Variants in ADGRL2 observed in about 807,000 individuals in gnomAD.
ADGRL2 encodes adhesion G protein-coupled receptor L2.
ADGRL2 carries 44 observed loss-of-function variants against 157.4 expected under a neutral mutation model. The observed-to-expected ratio is 0.28, with a 90% confidence interval of 0.22 to 0.36. The LOEUF (loss-of-function observed/expected upper bound fraction) is 0.36, where lower values mean the gene tolerates loss of function less well. Among genes scored for constraint, ADGRL2 ranks in the 10% least tolerant of loss-of-function variants. The pLI is 1.00. For synonymous variants in ADGRL2, 585 were observed against 624.7 expected, an observed-to-expected ratio of 0.94 and a Z score of 0.95; for missense variants, 1,510 against 1,768.9, an observed-to-expected ratio of 0.85 and a Z score of 2.63.
At chr1:81,630,122 A>G (rs551207525) in intron 3 of ADGRL2, among the ~76,000 whole-genome samples, 60 of 152,238 alleles carry the variant, frequency 3.9e-4, no homozygotes, top group Admixed American at 1.0e-3. Flanking sequence ...CAAATTTCCT[A>G]GAAGCAGAGC....
At chr1:81,650,837 C>T (rs2082406325) in intron 3 of ADGRL2, among the ~76,000 whole-genome samples, 1 of 152,142 alleles carries the variant, frequency 6.6e-6, no homozygotes, top group Non-Finnish European at 1.5e-5. Context: ...ATCTTCCAGA[C>T]ATTTGCAAGT....
At chr1:81,864,219 T>A (rs1014437611) in intron 2 of ADGRL2, among the ~76,000 whole-genome samples, 8 of 152,200 alleles carry the variant, frequency 5.3e-5, no homozygotes, top group Non-Finnish European at 8.8e-5. Flanking sequence ...CCATCTATTA[T>A]AAGAGACTCA....
intron 2 of ADGRL2, among the ~76,000 whole-genome samples, chr1:81,510,103 A>G (rs145507639): frequency 1.8e-4 from 27 of 152,214 alleles, no homozygotes; most frequent in African/African-American, 5.5e-4. Flanking sequence ...CTACCCACTG[A>G]TTAAAGTGTC....
intron 3 of ADGRL2, among the ~76,000 whole-genome samples, chr1:81,592,828 G>A (rs770689666): frequency 6.6e-6 from 1 of 151,942 alleles, no homozygotes. Flanking sequence ...GGAAGGAAGA[G>A]CTTTCATATT....
At chr1:81,760,858 T>C (rs564214414) in intron 1 of ADGRL2, among the ~76,000 whole-genome samples, 2 of 151,958 alleles carry the variant, frequency 1.3e-5, no homozygotes, top group South Asian at 4.1e-4. Flanking sequence ...TAAAAATCAA[T>C]ACATATAACA....
At chr1:81,850,588 T>C (rs1311685293) in intron 2 of ADGRL2, among the ~76,000 whole-genome samples, 2 of 151,936 alleles carry the variant, frequency 1.3e-5, no homozygotes. Flanking sequence ...ATTCATTCTT[T>C]GACCTATTCA....
At chr1:81,713,906 TATA>T (rs2149090702) in intron 1 of ADGRL2, among the ~76,000 whole-genome samples, 1 of 152,242 alleles carries the variant, frequency 6.6e-6, no homozygotes, top group South Asian at 2.1e-4. Flanking sequence ...CTGGGGAATT[TATA>T]AAGAAAAAAA....
intron 1 of ADGRL2, among the ~76,000 whole-genome samples, chr1:81,342,982 CTAAAA>C (rs1168499013): frequency 1.3e-5 from 2 of 151,764 alleles, no homozygotes; most frequent in African/African-American, 4.8e-5. Context: ...ACTTTTTTTC[CTAAAA>C]TAAATCTTTT....
At chr1:81,557,548 A>AAAAG (rs1319122312) in intron 2 of ADGRL2, 1 of 151,100 alleles carries the variant, frequency 6.6e-6, no homozygotes, top group African/African-American at 2.4e-5. Context: ...GAAAGCAAGA[A>AAAAG]AAAGAAAGAA....
Position 81,985,484 on chromosome 1 carries a change from T to C in ADGRL2, c.3508+129T>C, listed in dbSNP as rs1662887222. The C allele has an allele frequency of 1.3e-5, 7 of 532,012 alleles. No homozygotes were observed. In the South Asian group the frequency reaches 1.7e-4, roughly 13 times the overall value. 33.0% of individuals were successfully genotyped at this position (532,012 alleles called of 1,614,324 possible). On this transcript the variant is annotated intron_variant, in intron 21 of 23. Transcript: ENST00000686636. Reference sequence around the variant, plus strand: ...ACAGGATGCGGCTCGAAGGTAATTATTGAAAATATACCTTGCCACAGATTA... The same window carrying C: ...ACAGGATGCGGCTCGAAGGTAATTACTGAAAATATACCTTGCCACAGATTA...
chr1:81,871,416 G>A (rs1465238828), intron 2 of ADGRL2, among the ~76,000 whole-genome samples: 2 of 152,140 alleles, frequency 1.3e-5, no homozygotes, highest in Non-Finnish European at 1.5e-5. Flanking sequence ...TGTCTTTATA[G>A]CAGCATGATT....
At chr1:81,525,181 A>G (rs1008214302) in intron 2 of ADGRL2, among the ~76,000 whole-genome samples, 1 of 152,200 alleles carries the variant, frequency 6.6e-6, no homozygotes. Flanking sequence ...TTTCAGGCAC[A>G]TATTTTCTAA....
intron 3 of ADGRL2, among the ~76,000 whole-genome samples, chr1:81,688,004 C>T (rs188608605): frequency 3.3e-5 from 5 of 152,210 alleles, no homozygotes; most frequent in Middle Eastern, 3.4e-3. Context: ...GCCCCCAATC[C>T]CTTCTAGCTT....
intron 2 of ADGRL2, among the ~76,000 whole-genome samples, chr1:81,770,889 G>T (rs543761352): frequency 2.9e-4 from 44 of 152,050 alleles, no homozygotes; most frequent in South Asian, 1.2e-3. Context: ...TTTTTAAAAA[G>T]AATTTGTTTC....
Position 81,330,979 on chromosome 1 carries a change from T to C in ADGRL2, c.-302+24470T>C, listed in dbSNP as rs1661229944. Among the ~76,000 whole-genome samples, 3 of 152,316 alleles carry C rather than the reference T, an allele frequency of 2.0e-5. No homozygotes were observed. In the South Asian group the frequency reaches 6.2e-4, roughly 32 times the overall value. On this transcript the variant is annotated intron_variant, in intron 1 of 24. Transcript: ENST00000370721. Reference sequence around the variant, plus strand: ...GCTGATAAGTACATATGTGACTGAATCATAAATTTCACAAGTGCTGGAACC... The same window carrying C: ...GCTGATAAGTACATATGTGACTGAACCATAAATTTCACAAGTGCTGGAACC...
chr1:81,802,971 G>T (rs2088507040), intron 1 of ADGRL2, among the ~76,000 whole-genome samples: 1 of 152,116 alleles, frequency 6.6e-6, no homozygotes, highest in African/African-American at 2.4e-5. Context: ...GGTCGGGAGG[G>T]TGCAGGGGCC....
Position 81,866,561 on chromosome 1 carries a change from T to C in ADGRL2, c.73+29504T>C, listed in dbSNP as rs376443607. Among the ~76,000 whole-genome samples, 73 of 152,240 alleles carry C rather than the reference T, an allele frequency of 4.8e-4. No homozygotes were observed. The South Asian group carries it at 0.014, about 29-fold the overall frequency. The stretch of plus-strand genomic sequence containing the variant: ...ACAAGTACTATTTCCTCAAAGAATG[T>C]TTAAAATAAATAATTAAAAATTTAC... On this transcript the variant is annotated intron_variant, in intron 2 of 23. Coordinates refer to ENST00000686636, the MANE Select transcript of ADGRL2 (RefSeq NM_001366006.2).
In ADGRL2 at chr1:81,991,778, A is replaced by G. The variant is rs968050312; in HGVS notation, c.*633A>G. On this transcript the variant is annotated 3_prime_UTR_variant, in exon 24 of 24. Coordinates refer to ENST00000686636, the MANE Select transcript of ADGRL2 (RefSeq NM_001366006.2). ...GGCTAAAGAAATTATATTTTGTTCT[A>G]TTGCTAGGGTAAAATAAATACATTT... 1.3e-5 allele frequency: 2 copies of G among 152,624 alleles called. No homozygotes were observed. The highest frequency in any genetic ancestry group is 2.9e-5 in the Non-Finnish European group (2 of 68,040). 9.5% of individuals were successfully genotyped at this position (152,624 alleles called of 1,614,324 possible). A position where few individuals can be genotyped will look rare whatever the true frequency, so the allele number is the denominator to read the frequency against.
At chr1:81,979,738 C>G in intron 17 of ADGRL2, 131 bp from the exon 18 acceptor site, 1 of 575,102 alleles carries the variant, frequency 1.7e-6, no homozygotes, top group Non-Finnish European at 3.1e-6. Flanking sequence ...GTAGACTCAA[C>G]TTGATCATTG....
Sources: allele counts gnomAD v4.1 joint callset (sites outside exome capture counted in the v4.1 genomes callset), GRCh38; gene constraint gnomAD v4.1.1; transcripts MANE v1.5; gene names NCBI Gene and HGNC (gene_info 2026-07-23, HGNC 2026-07-21).